FOXP2: variants seen among roughly 807,000 people sequenced by gnomAD.
The protein encoded by FOXP2 is forkhead box protein P2.
Under a neutral mutation model 115.8 loss-of-function variants are expected in FOXP2, and 12 were observed. That is an observed-to-expected ratio of 0.10 (90% CI 0.07 to 0.17). The LOEUF (loss-of-function observed/expected upper bound fraction) is 0.17, where lower values mean the gene tolerates loss of function less well. Ranked by LOEUF, FOXP2 falls within the 10% of genes least tolerant of loss-of-function variation. The probability of loss-of-function intolerance (pLI) is 1.00; values close to 1 mark genes in which losing one functional copy is unlikely to be tolerated. For synonymous variants in FOXP2, 328 were observed against 297.7 expected, an observed-to-expected ratio of 1.10 and a Z score of -1.05; for missense variants, 629 against 843.5, an observed-to-expected ratio of 0.75 and a Z score of 3.15.
chr7:114,471,180 T>C (rs1796030217), intron 2 of FOXP2, among the ~76,000 whole-genome samples: 1 of 152,236 alleles, frequency 6.6e-6, no homozygotes, highest in Admixed American at 6.5e-5. Context: ...ATTTCAATTA[T>C]AGTGTATAGA....
At chr7:114,452,071 C>G (rs1210435340) in intron 2 of FOXP2, among the ~76,000 whole-genome samples, 1 of 151,938 alleles carries the variant, frequency 6.6e-6, no homozygotes, top group Non-Finnish European at 1.5e-5. Context: ...TTGGTATTCT[C>G]TCTATATATT....
At chr7:114,286,354 A>C (rs1378892122) in intron 1 of FOXP2, among the ~76,000 whole-genome samples, 1 of 151,986 alleles carries the variant, frequency 6.6e-6, no homozygotes, top group Non-Finnish European at 1.5e-5. Context: ...TAGACCTTTT[A>C]TAGCATATGC....
chr7:114,673,258 T>A (rs951133329), intron 16 of FOXP2, among the ~76,000 whole-genome samples: 7 of 152,218 alleles, frequency 4.6e-5, no homozygotes, highest in Admixed American at 1.3e-4. Context: ...ATTGATAGTT[T>A]TCATTTATGA....
Position 114,691,935 on chromosome 7 carries a change from A to G in FOXP2, c.*2009A>G. On this transcript the variant is annotated 3_prime_UTR_variant, in exon 17 of 17. Transcript: ENST00000350908. ...CTGAAAGCTTCTACCTCTGCAAAAA[A>G]AAAAAAAGAAAAAAAAAAAAAGAAA... 1 of 398,602 alleles carries G rather than the reference A, an allele frequency of 2.5e-6. No homozygotes were observed. Among genetic ancestry groups the G allele is most frequent in the South Asian group, 1.8e-5 (1 of 56,004 alleles). The allele number at this position is 398,602 out of a possible 1,614,324, so 24.7% of individuals were successfully genotyped here.
intron 3 of FOXP2, among the ~76,000 whole-genome samples, chr7:114,550,264 C>A (rs1800141636): frequency 6.6e-6 from 1 of 151,730 alleles, no homozygotes; most frequent in Non-Finnish European, 1.5e-5. Flanking sequence ...ACTACAGGCG[C>A]CCTCCACCAC....
intron 1 of FOXP2, among the ~76,000 whole-genome samples, chr7:114,097,203 A>T (rs1584476658): frequency 6.6e-6 from 1 of 152,212 alleles, no homozygotes; most frequent in African/African-American, 2.4e-5. Flanking sequence ...TTTGACAAAC[A>T]TATAGCTGTG....
At chr7:114,527,858 C>T (rs555662912) in intron 2 of FOXP2, among the ~76,000 whole-genome samples, 1 of 152,152 alleles carries the variant, frequency 6.6e-6, no homozygotes, top group East Asian at 1.9e-4. Context: ...TCTCATGATT[C>T]TTGTTTTGAA....
chr7:114,647,893 A>G (rs1806003932), intron 8 of FOXP2, among the ~76,000 whole-genome samples: 1 of 152,048 alleles, frequency 6.6e-6, no homozygotes, highest in Admixed American at 6.6e-5. Flanking sequence ...AGATGCCAAC[A>G]CACAAAACAT....
chr7:114,126,197 GA>G (rs946516242), intron 1 of FOXP2, among the ~76,000 whole-genome samples: 1 of 126,048 alleles, frequency 7.9e-6, no homozygotes, highest in East Asian at 2.4e-4. Context: ...TGGGCTTCAG[GA>G]AAAAAATTAT....
chr7:114,217,971 C>A lies in FOXP2; in HGVS notation c.-102+54883C>A, dbSNP rs1794526655. Among the ~76,000 whole-genome samples the A allele has an allele frequency of 2.0e-5, 3 of 152,212 alleles. No homozygotes were observed. In the South Asian group the frequency reaches 6.2e-4, roughly 32 times the overall value. On this transcript the variant is annotated intron_variant, in intron 1 of 17. Coordinates refer to the FOXP2 transcript ENST00000634411. The stretch of plus-strand genomic sequence containing the variant: ...GAGTAAGACCCCTTCTCAGCTTAGG[C>A]ATGGATGGCCATGATAGTAGGTTTT...
chr7:114,668,838 A>G (rs1807326329), intron 16 of FOXP2: 1 of 152,182 alleles, frequency 6.6e-6, no homozygotes, highest in African/African-American at 2.4e-5. Flanking sequence ...CTGATTATGA[A>G]GAATCAAATT....
At chr7:114,480,189 TGCC>T (rs1796462261) in intron 2 of FOXP2, among the ~76,000 whole-genome samples, 3 of 151,586 alleles carry the variant, frequency 2.0e-5, no homozygotes, top group Admixed American at 1.3e-4. Flanking sequence ...CTTTTATCAT[TGCC>T]TGCCTCAAAC....
chr7:114,606,912 G>T (rs1288849461), intron 3 of FOXP2, among the ~76,000 whole-genome samples: 6 of 152,042 alleles, frequency 3.9e-5, no homozygotes, highest in Non-Finnish European at 8.8e-5. Context: ...TTGTACTGTT[G>T]CCCCATTTTA....
chr7:114,131,551 T>A (rs1044748391), intron 1 of FOXP2, among the ~76,000 whole-genome samples: 8 of 150,518 alleles, frequency 5.3e-5, no homozygotes, highest in African/African-American at 1.7e-4. Flanking sequence ...CTGCAAGGAA[T>A]GTGCAAAAAA....
intron 1 of FOXP2, among the ~76,000 whole-genome samples, chr7:114,280,522 AT>A (rs1218123403): frequency 2.6e-5 from 4 of 152,112 alleles, no homozygotes; most frequent in African/African-American, 9.6e-5. Context: ...TCTCATAATT[AT>A]TTTAACAGAC....
chr7:114,206,427 C>A (rs781709146), intron 1 of FOXP2, among the ~76,000 whole-genome samples: 39 of 152,140 alleles, frequency 2.6e-4, no homozygotes, highest in Non-Finnish European at 4.7e-4. Flanking sequence ...GGCATTTGCA[C>A]ATCCTGAGTC....
At chr7:114,160,782 CTGTGTGTG>C (rs34540150), upstream of FOXP2, among the ~76,000 whole-genome samples, 2 of 147,258 alleles carry the variant, frequency 1.4e-5, no homozygotes, top group South Asian at 2.2e-4. Context: ...AGTATATTTT[CTGTGTGTG>C]TGTGTGTGTG....
chr7:114,233,152 CATGTT>C (rs1341463182), intron 1 of FOXP2, among the ~76,000 whole-genome samples: 3 of 151,814 alleles, frequency 2.0e-5, no homozygotes, highest in African/African-American at 7.3e-5. Context: ...GGGTAGATCT[CATGTT>C]ATGTGTTTTT....
chr7:114,604,873 AC>A (rs963311473), intron 3 of FOXP2, among the ~76,000 whole-genome samples: 4 of 152,150 alleles, frequency 2.6e-5, no homozygotes, highest in Admixed American at 1.3e-4. Context: ...AGTGACCCAG[AC>A]CTTGGATTTG....
Sources: allele counts gnomAD v4.1 joint callset (sites outside exome capture counted in the v4.1 genomes callset), GRCh38; gene constraint gnomAD v4.1.1; transcripts MANE v1.5; gene names NCBI Gene and HGNC (gene_info 2026-07-23, HGNC 2026-07-21).